Variants in FAM178B observed in about 807,000 individuals in gnomAD.
The protein encoded by FAM178B is family with sequence similarity 178 member B.
FAM178B carries 82 observed loss-of-function variants against 91.7 expected under a neutral mutation model. The observed-to-expected ratio is 0.89, with a 90% CI of 0.75 to 1.07. The LOEUF (loss-of-function observed/expected upper bound fraction) is 1.07, where lower values mean the gene tolerates loss of function less well. Among genes scored for constraint, FAM178B ranks in the 50% least tolerant of loss-of-function variants. FAM178B has a pLI of 0.00. For missense variants in FAM178B, 769 were observed against 846.7 expected (o/e 0.91, Z 1.14); for synonymous variants, 368 against 359.4 (o/e 1.02, Z -0.27).
At chr2:96,882,950 C>T (rs1361941529) in intron 14 of FAM178B, among the ~76,000 whole-genome samples, 1 of 152,236 alleles carries the variant, frequency 6.6e-6, no homozygotes, top group East Asian at 1.9e-4. Context: ...AAGAAAAGCC[C>T]AGCCCATCCC....
chr2:96,966,517 T>TC (rs11453319), intron 5 of FAM178B, among the ~76,000 whole-genome samples: 122,592 of 152,078 alleles, frequency 0.81, 50,763 homozygotes, highest in Non-Finnish European at 0.88. Flanking sequence ...AAGGCAGAGA[T>TC]TGTCTGGTTT....
intron 1 of FAM178B, among the ~76,000 whole-genome samples, chr2:96,973,846 A>C (rs1170345441): frequency 6.6e-6 from 1 of 151,428 alleles, no homozygotes; most frequent in Non-Finnish European, 1.5e-5. Context: ...CTAAAAATAC[A>C]AAAAAAATTA....
intron 12 of FAM178B, among the ~76,000 whole-genome samples, chr2:96,904,782 G>A (rs1484872936): frequency 1.3e-5 from 2 of 152,072 alleles, no homozygotes; most frequent in Admixed American, 6.5e-5. Context: ...GGATGTTGAG[G>A]TGGGAGGACT....
At chr2:96,879,494 C>T (rs1276280649) in intron 14 of FAM178B, among the ~76,000 whole-genome samples, 1 of 152,242 alleles carries the variant, frequency 6.6e-6, no homozygotes, top group Non-Finnish European at 1.5e-5. Context: ...CCAGGAGTCT[C>T]CTCAGGACAG....
intron 12 of FAM178B, 75 bp downstream of exon 12, chr2:96,921,090 G>A: frequency 8.0e-7 from 1 of 1,247,734 alleles, no homozygotes; most frequent in Non-Finnish European, 1.1e-6. Flanking sequence ...GGCTGATGGG[G>A]AGGACTCTGG....
At chr2:96,945,787 G>T (rs967334661) in intron 8 of FAM178B, among the ~76,000 whole-genome samples, 5 of 152,156 alleles carry the variant, frequency 3.3e-5, no homozygotes, top group Non-Finnish European at 7.3e-5. Context: ...TTCTCTCTGG[G>T]CACCTGGCCC....
chr2:96,970,208 G>C (rs544543806), intron 4 of FAM178B, among the ~76,000 whole-genome samples: 9 of 152,190 alleles, frequency 5.9e-5, no homozygotes, highest in Non-Finnish European at 1.3e-4. Context: ...ATGGCAGACA[G>C]GGAGAGAGCT....
chr2:96,982,934 A>G (rs1415962893), intron 1 of FAM178B, among the ~76,000 whole-genome samples: 1 of 151,324 alleles, frequency 6.6e-6, no homozygotes, highest in Non-Finnish European at 1.5e-5. Flanking sequence ...ACTGGAGTGT[A>G]CTGTCATCAT....
chr2:96,918,158 A>T (rs1313554009), intron 12 of FAM178B, among the ~76,000 whole-genome samples: 1 of 152,064 alleles, frequency 6.6e-6, no homozygotes, highest in African/African-American at 2.4e-5. Context: ...TAAAATAAAA[A>T]AAAAAAGGAC....
At chr2:96,893,893 G>A in intron 14 of FAM178B, 33 bp downstream of exon 14, 1 of 1,601,666 alleles carries the variant, frequency 6.2e-7, no homozygotes, top group Non-Finnish European at 8.5e-7. Flanking sequence ...TGGCACCGTG[G>A]TGGAGGCAGG....
chr2:96,971,917 T>C lies in FAM178B; in HGVS notation c.548A>G (p.Gln183Arg), dbSNP rs2153375769. Residue 183 changes from glutamine (Q) to arginine (R), a missense_variant, in exon 3 of 17, where the codon CAG (glutamine) becomes CGG (arginine). Coordinates refer to ENST00000490605, the MANE Select transcript of FAM178B (RefSeq NM_001122646.3). ...CAGGCTCACCTCTGGGGCCGCAGCC[T>C]GCTGGCTCAGGCCTGACGTGTTCCA... ...LFWNTSGLSQ[Q>R]AAAPEFSWGG... 2 of 1,501,138 alleles carry C rather than the reference T, an allele frequency of 1.3e-6. No homozygotes were observed. The highest frequency in any genetic ancestry group is 2.5e-5 in the East Asian group (1 of 40,520). The allele number at this position is 1,501,138 out of a possible 1,614,324, so 93.0% of individuals were successfully genotyped here.
intron 7 of FAM178B, chr2:96,950,059 G>C (rs753332875): frequency 4.7e-5 from 46 of 985,624 alleles, no homozygotes; most frequent in Non-Finnish European, 5.5e-5. Context: ...AAGAGGCAGG[G>C]GAAGGCTCGT....
At chr2:96,923,453 C>T (rs555331067) in intron 10 of FAM178B, 37 bp downstream of exon 10, 69 of 1,483,928 alleles carry the variant, frequency 4.6e-5, no homozygotes, top group African/African-American at 1.8e-4. Context: ...AACTGTAAGC[C>T]GAGAGTGCCC....
chr2:96,895,661 C>T (rs919238275), intron 13 of FAM178B, among the ~76,000 whole-genome samples: 1 of 152,230 alleles, frequency 6.6e-6, no homozygotes, highest in African/African-American at 2.4e-5. Context: ...GCCCTGGGGG[C>T]AGGGCGGGGA....
intron 6 of FAM178B, among the ~76,000 whole-genome samples, chr2:96,955,206 A>G (rs1459012876): frequency 1.3e-5 from 2 of 152,176 alleles, no homozygotes; most frequent in African/African-American, 4.8e-5. Flanking sequence ...TCTCTACTAA[A>G]TATACAAAAA....
chr2:96,931,717 G>C (rs566484714), intron 8 of FAM178B, among the ~76,000 whole-genome samples: 2 of 152,166 alleles, frequency 1.3e-5, no homozygotes, highest in Non-Finnish European at 1.5e-5. Context: ...GCAGGATGGC[G>C]GGCAGAGGGT....
chr2:96,970,619 G>A, intron 4 of FAM178B, 97 bp downstream of exon 4: 1 of 942,088 alleles, frequency 1.1e-6, no homozygotes, highest in Non-Finnish European at 1.7e-6. Context: ...CTGGGTGGGA[G>A]GCCGCTGTAC....
At chr2:96,915,917 A>C (rs2153370414) in intron 12 of FAM178B, among the ~76,000 whole-genome samples, 2 of 152,270 alleles carry the variant, frequency 1.3e-5, no homozygotes, top group South Asian at 4.1e-4. Flanking sequence ...CCCTAAACAG[A>C]ATTGGCATCA....
chr2:96,979,157 A>C (rs1048447695), intron 1 of FAM178B, among the ~76,000 whole-genome samples: 4 of 147,802 alleles, frequency 2.7e-5, no homozygotes, highest in Non-Finnish European at 4.5e-5. Context: ...TTTGTATTTT[A>C]GTAGAGATGG....
Sources: gnomAD v4.1 joint callset for allele counts (sites outside exome capture counted in the v4.1 genomes callset) on GRCh38, gnomAD v4.1.1 for gene constraint, MANE v1.5 for transcripts, NCBI Gene and HGNC (gene_info 2026-07-23, HGNC 2026-07-21) for gene names.